The following PDSS2 variants were observed in gnomAD, a reference collection of about 807,000 sequenced individuals.
PDSS2 encodes decaprenyl diphosphate synthase subunit 2.
Under a neutral mutation model 44.5 loss-of-function variants are expected in PDSS2, and 31 were observed. The observed-to-expected ratio is 0.70, with a 90% CI of 0.52 to 0.94. The LOEUF (loss-of-function observed/expected upper bound fraction) is 0.94. Among genes scored for constraint, PDSS2 ranks in the 40% least tolerant of loss-of-function variants. The probability of loss-of-function intolerance (pLI) is 0.00; values close to 1 mark genes in which losing one functional copy is unlikely to be tolerated. For missense variants in PDSS2, 452 were observed against 482.2 expected, an observed-to-expected ratio of 0.94 and a Z score of 0.59; for synonymous variants, 157 against 180.3, an observed-to-expected ratio of 0.87 and a Z score of 1.03.
chr6:107,457,111 A>G (rs939436004), intron 1 of PDSS2, among the ~76,000 whole-genome samples: 1 of 152,196 alleles, frequency 6.6e-6, no homozygotes, highest in Admixed American at 6.5e-5. Context: ...GAATAAAATC[A>G]CTTTATTATT....
At chr6:107,243,487 C>T (rs1311551575) in intron 4 of PDSS2, among the ~76,000 whole-genome samples, 2 of 152,102 alleles carry the variant, frequency 1.3e-5, no homozygotes, top group Non-Finnish European at 2.9e-5. Flanking sequence ...ACCTTAAAAC[C>T]AACAATAATG....
intron 7 of PDSS2, among the ~76,000 whole-genome samples, chr6:107,155,084 G>C (rs1770839168): frequency 6.6e-6 from 1 of 151,418 alleles, no homozygotes; most frequent in Non-Finnish European, 1.5e-5. Flanking sequence ...ATGGCAGTAA[G>C]AAGGCGGAGG....
At chr6:107,162,875 G>A (rs1554246946) in intron 7 of PDSS2, among the ~76,000 whole-genome samples, 1 of 152,120 alleles carries the variant, frequency 6.6e-6, no homozygotes, top group East Asian at 1.9e-4. Flanking sequence ...AAAGTGCTGG[G>A]ATTACAGGCA....
intron 1 of PDSS2, among the ~76,000 whole-genome samples, chr6:107,422,191 A>G (rs997145833): frequency 5.3e-5 from 8 of 152,114 alleles, no homozygotes; most frequent in African/African-American, 1.9e-4. Flanking sequence ...AGGAAAGAAT[A>G]TAACTAGGCA....
At chr6:107,211,204 T>TTATA (rs1450373290) in intron 5 of PDSS2, among the ~76,000 whole-genome samples, 1 of 151,860 alleles carries the variant, frequency 6.6e-6, no homozygotes, top group Non-Finnish European at 1.5e-5. Flanking sequence ...CCTGGAGATA[T>TTATA]TATATATGTA....
chr6:107,347,784 C>T (rs545020614), intron 1 of PDSS2, among the ~76,000 whole-genome samples: 4 of 152,220 alleles, frequency 2.6e-5, no homozygotes, highest in African/African-American at 7.2e-5. Context: ...AACCTAACAA[C>T]CTATAGATTT....
chr6:107,272,084 CA>C (rs58296849), intron 3 of PDSS2, among the ~76,000 whole-genome samples: 4,132 of 128,836 alleles, frequency 0.032, 204 homozygotes, highest in African/African-American at 0.11. Context: ...AAAAAAGAAA[CA>C]AAAAAAAAAA....
At chr6:107,238,740 TA>T (rs1388860479) in intron 4 of PDSS2, among the ~76,000 whole-genome samples, 1 of 152,184 alleles carries the variant, frequency 6.6e-6, no homozygotes, top group African/African-American at 2.4e-5. Flanking sequence ...GAGCCATTCT[TA>T]TCATTTGGAG....
chr6:107,384,480 A>G (rs1462935815), intron 1 of PDSS2, among the ~76,000 whole-genome samples: 2 of 152,100 alleles, frequency 1.3e-5, no homozygotes, highest in Non-Finnish European at 2.9e-5. Context: ...GTTTCTATTA[A>G]AAATACAAAA....
At chr6:107,372,246 GT>G (rs1195897747) in intron 1 of PDSS2, among the ~76,000 whole-genome samples, 1 of 151,786 alleles carries the variant, frequency 6.6e-6, no homozygotes, top group Non-Finnish European at 1.5e-5. Context: ...TTTCACCCTG[GT>G]TTTTGGTTTC....
intron 1 of PDSS2, among the ~76,000 whole-genome samples, chr6:107,344,500 G>A (rs1031398393): frequency 1.3e-5 from 2 of 152,126 alleles, no homozygotes; most frequent in Non-Finnish European, 2.9e-5. Flanking sequence ...TCATTGATAT[G>A]GCTCGAGGGC....
Position 107,378,915 on chromosome 6 carries a change from G to A in PDSS2, c.297-44583C>T, listed in dbSNP as rs183313293. 6.3e-4 allele frequency among the ~76,000 whole-genome samples: 96 copies of A among 152,292 alleles called. 1 individual carries two copies. In the East Asian group the frequency reaches 0.012, roughly 19 times the overall value. On this transcript the variant is annotated intron_variant, in intron 1 of 7. Transcript: ENST00000369037. Reference sequence around the variant, plus strand: ...TGTGCCACTTTCATCATATCATACCGAAGGTACATAAAATCGCCATGATTT... The same window carrying A: ...TGTGCCACTTTCATCATATCATACCAAAGGTACATAAAATCGCCATGATTT...
intron 4 of PDSS2, among the ~76,000 whole-genome samples, chr6:107,245,324 T>A (rs1166237135): frequency 6.8e-6 from 1 of 147,810 alleles, no homozygotes; most frequent in African/African-American, 2.5e-5. Flanking sequence ...TTGAACAGAC[T>A]GTGAATCCAG....
intron 1 of PDSS2, among the ~76,000 whole-genome samples, chr6:107,398,425 A>C (rs1780012045): frequency 1.3e-5 from 2 of 152,244 alleles, no homozygotes; most frequent in South Asian, 2.1e-4. Flanking sequence ...AAAAGTAATA[A>C]ATATTTAAAA....
At chr6:107,275,821 A>C (rs1024481474) in intron 2 of PDSS2, among the ~76,000 whole-genome samples, 5 of 152,154 alleles carry the variant, frequency 3.3e-5, no homozygotes, top group African/African-American at 1.2e-4. Context: ...TCTTACTGAA[A>C]AGGGAAAATA....
intron 3 of PDSS2, among the ~76,000 whole-genome samples, chr6:107,249,203 A>G (rs930696512): frequency 6.6e-6 from 1 of 152,246 alleles, no homozygotes; most frequent in African/African-American, 2.4e-5. Context: ...AATCTGGAAC[A>G]TAAGTTTCAG....
intron 7 of PDSS2, among the ~76,000 whole-genome samples, chr6:107,158,644 A>C (rs1208177874): frequency 6.6e-6 from 1 of 152,216 alleles, no homozygotes; most frequent in Non-Finnish European, 1.5e-5. Flanking sequence ...GCACAAAGGC[A>C]CTAAAATGGT....
intron 3 of PDSS2, among the ~76,000 whole-genome samples, chr6:107,270,961 G>A (rs1264389342): frequency 2.0e-5 from 3 of 152,172 alleles, no homozygotes; most frequent in Non-Finnish European, 2.9e-5. Context: ...TGACAATGAT[G>A]CAAAAGAACT....
chr6:107,430,962 A>T (rs541201854), intron 1 of PDSS2, among the ~76,000 whole-genome samples: 1 of 152,362 alleles, frequency 6.6e-6, no homozygotes, highest in African/African-American at 2.4e-5. Context: ...TGCTCCAGAA[A>T]GGATGATTAG....
Sources: allele counts gnomAD v4.1 joint callset (sites outside exome capture counted in the v4.1 genomes callset), GRCh38; gene constraint gnomAD v4.1.1; transcripts MANE v1.5; gene names NCBI Gene and HGNC (gene_info 2026-07-23, HGNC 2026-07-21).